The following CHP1 variants were observed in gnomAD, a reference collection of about 807,000 sequenced individuals.
The protein encoded by CHP1 is calcineurin like EF-hand protein 1.
A neutral mutation model predicts 27.4 loss-of-function variants in CHP1; 11 were observed. That is an observed-to-expected ratio of 0.40 (90% confidence interval 0.25 to 0.67). CHP1 has a LOEUF of 0.67. CHP1 is among the 30% of genes least tolerant of loss of function. The pLI is 0.38. For missense variants in CHP1, 169 were observed against 251.3 expected, an observed-to-expected ratio of 0.67 and a Z score of 2.22; for synonymous variants, 89 against 87.4, an observed-to-expected ratio of 1.02 and a Z score of -0.10.
At chr15:41,271,254 CAAAAAAAAAA>C (rs143070752) in intron 5 of CHP1, among the ~76,000 whole-genome samples, 20 of 75,716 alleles carry the variant, frequency 2.6e-4, no homozygotes, top group African/African-American at 9.0e-4. Context: ...GATTCCGTCT[CAAAAAAAAAA>C]AAAAAAAAAA....
chr15:41,251,453 T>G (rs1218856025), intron 2 of CHP1, among the ~76,000 whole-genome samples: 1 of 152,210 alleles, frequency 6.6e-6, no homozygotes, highest in Non-Finnish European at 1.5e-5. Flanking sequence ...AAGACCACTT[T>G]AGGACCCCTG....
At chr15:41,256,290 C>T (rs78487152) in intron 2 of CHP1, among the ~76,000 whole-genome samples, 9 of 152,302 alleles carry the variant, frequency 5.9e-5, no homozygotes, top group African/African-American at 1.2e-4. Context: ...GGTATAACCT[C>T]GCCTAAGTCA....
chr15:41,238,980 C>T (rs1249873938), intron 1 of CHP1, among the ~76,000 whole-genome samples: 1 of 152,168 alleles, frequency 6.6e-6, no homozygotes, highest in Non-Finnish European at 1.5e-5. Flanking sequence ...TTAGAGCCTT[C>T]TGGGGAAAAT....
intron 4 of CHP1, among the ~76,000 whole-genome samples, chr15:41,267,801 G>A (rs1322672460): frequency 6.6e-6 from 1 of 151,830 alleles, no homozygotes; most frequent in African/African-American, 2.4e-5. Flanking sequence ...GGGCATGGTG[G>A]CACATGCCTG....
chr15:41,265,764 A>G (rs2047457118), intron 4 of CHP1, among the ~76,000 whole-genome samples: 1 of 151,538 alleles, frequency 6.6e-6, no homozygotes. Flanking sequence ...AAATTTTATT[A>G]TGGGTTATAC....
At chr15:41,274,854 G>A (rs2047511710) in intron 5 of CHP1, among the ~76,000 whole-genome samples, 1 of 140,904 alleles carries the variant, frequency 7.1e-6, no homozygotes, top group Admixed American at 7.5e-5. Context: ...GCAGTGGCAT[G>A]ATCTCAGCTC....
chr15:41,258,453 G>T (rs1055743371), intron 3 of CHP1, among the ~76,000 whole-genome samples: 16 of 151,698 alleles, frequency 1.1e-4, no homozygotes, highest in African/African-American at 3.9e-4. Flanking sequence ...GCACTTCCCC[G>T]CCTCCAGTAC....
intron 5 of CHP1, among the ~76,000 whole-genome samples, chr15:41,272,682 A>G (rs924119200): frequency 6.6e-6 from 1 of 152,182 alleles, no homozygotes; most frequent in Admixed American, 6.5e-5. Context: ...CAGCCTCCCA[A>G]AGTGCTGGGA....
chr15:41,267,217 G>C (rs923687065), intron 4 of CHP1, among the ~76,000 whole-genome samples: 3 of 152,034 alleles, frequency 2.0e-5, no homozygotes, highest in Non-Finnish European at 2.9e-5. Context: ...TTGTTAAAAG[G>C]GTACATTTTC....
At chr15:41,270,662 G>C in intron 5 of CHP1, 44 bp downstream of exon 5, 1 of 1,429,834 alleles carries the variant, frequency 7.0e-7, no homozygotes, top group South Asian at 1.2e-5. Context: ...GACTCTGCCT[G>C]CTTATTAGTG....
intron 5 of CHP1, among the ~76,000 whole-genome samples, chr15:41,276,746 C>T (rs967215607): frequency 7.2e-5 from 11 of 152,160 alleles, no homozygotes; most frequent in South Asian, 2.1e-4. Context: ...TGCAGCACTT[C>T]GAAGAGGACG....
In CHP1 at chr15:41,262,787, C is replaced by T. The variant is rs1305005807; in HGVS notation, c.253C>T (p.Arg85Ter). 1.2e-6 allele frequency: 2 copies of T among 1,613,206 alleles called. No individual in the cohort carries two copies. Among genetic ancestry groups the T allele is most frequent in the Admixed American group, 1.7e-5 (1 of 59,994 alleles). Residue 85 changes from arginine to a stop codon, truncating the protein, a stop_gained, in exon 4 of 7, where the codon CGA (arginine) becomes TGA (stop). Transcript: ENST00000334660. LOFTEE classifies it high-confidence loss of function. Reference sequence around the variant, plus strand: ...CCAGGTAAACTTCCGTGGATTCATGCGAACTTTGGCTCATTTCCGCCCCAT... The same window carrying T: ...CCAGGTAAACTTCCGTGGATTCATGTGAACTTTGGCTCATTTCCGCCCCAT... ...EDQVNFRGFMRTLAHFRPIED... is the reference protein window; with the variant it reads ...EDQVNFRGFM
intron 1 of CHP1, among the ~76,000 whole-genome samples, chr15:41,233,815 A>G (rs968575514): frequency 1.3e-5 from 2 of 152,146 alleles, no homozygotes; most frequent in South Asian, 4.1e-4. Flanking sequence ...GTAGATTTGG[A>G]TAGATTAACC....
chr15:41,234,996 T>G (rs2047269612), intron 1 of CHP1, among the ~76,000 whole-genome samples: 1 of 152,244 alleles, frequency 6.6e-6, no homozygotes, highest in African/African-American at 2.4e-5. Context: ...TTTAACAGTT[T>G]ATGAAACTGT....
At position 41,279,478 on chromosome 15, in the gene CHP1, T is replaced by A. The variant is rs368894931; in HGVS notation, c.*89T>A. On this transcript the variant is annotated 3_prime_UTR_variant, in exon 7 of 7. Transcript: ENST00000334660. ...ACCAACTCCACCTCCACCCCCTCAT[T>A]CCCCTTCTCCCAAAGTACTACTGCT... 6.6e-6 allele frequency: 7 copies of A among 1,063,442 alleles called. No homozygotes were observed. Among genetic ancestry groups the A allele is most frequent in the East Asian group, 4.9e-5 (2 of 40,960 alleles). 65.9% of individuals were successfully genotyped at this position (1,063,442 alleles called of 1,614,324 possible).
At chr15:41,238,060 T>G (rs974088101) in intron 1 of CHP1, among the ~76,000 whole-genome samples, 2 of 152,226 alleles carry the variant, frequency 1.3e-5, no homozygotes, top group Non-Finnish European at 2.9e-5. Context: ...CTGCCACTTC[T>G]GCTTCGCACT....
At chr15:41,246,624 CTTTTTTTTTTTTTTTTTT>C (rs561426550) in intron 2 of CHP1, among the ~76,000 whole-genome samples, 1 of 57,284 alleles carries the variant, frequency 1.7e-5, no homozygotes, top group Non-Finnish European at 3.2e-5. Flanking sequence ...GGCCAAAAAG[CTTTTTTTTTTTTTTTTTT>C]TTTTTTTTGA....
chr15:41,277,415 G>A (rs2047524606), intron 5 of CHP1, among the ~76,000 whole-genome samples: 2 of 152,216 alleles, frequency 1.3e-5, no homozygotes, highest in Admixed American at 1.3e-4. Context: ...AGGTGGCAGA[G>A]GGAGAATTGC....
At chr15:41,256,206 A>G (rs2047400080) in intron 2 of CHP1, among the ~76,000 whole-genome samples, 1 of 152,198 alleles carries the variant, frequency 6.6e-6, no homozygotes, top group Non-Finnish European at 1.5e-5. Context: ...GGCGTGAAGA[A>G]ATGAGAATAA....
Sources: allele counts gnomAD v4.1 joint callset (sites outside exome capture counted in the v4.1 genomes callset), GRCh38; gene constraint gnomAD v4.1.1; transcripts MANE v1.5; gene names NCBI Gene and HGNC (gene_info 2026-07-23, HGNC 2026-07-21).